Variants in NKAIN4 observed in about 807,000 individuals in gnomAD.
NKAIN4 encodes the protein sodium/potassium transporting ATPase interacting 4, also known as sodium/potassium-transporting ATPase subunit beta-1-interacting protein 4.
A neutral mutation model predicts 28.8 loss-of-function variants in NKAIN4; 28 were observed. The observed-to-expected ratio is 0.97, with a 90% CI of 0.72 to 1.33. The LOEUF is 1.33. Ranked by LOEUF, NKAIN4 falls within the 40% of genes most tolerant of loss-of-function variation. The probability of loss-of-function intolerance (pLI) is 0.00; values close to 1 mark genes in which losing one functional copy is unlikely to be tolerated. For missense variants in NKAIN4, 289 were observed against 277.2 expected (o/e 1.04, Z -0.30); for synonymous variants, 122 against 115.6 (o/e 1.06, Z -0.36).
At position 63,245,476 on chromosome 20, in the gene NKAIN4, C is replaced by G. The variant is rs2066839145; in HGVS notation, c.472-1392G>C. 6.6e-6 allele frequency among the ~76,000 whole-genome samples: 1 copy of G among 152,070 alleles called. No homozygotes were observed. Among genetic ancestry groups the G allele is most frequent in the Non-Finnish European group, 1.5e-5 (1 of 67,992 alleles). ...GGGGACCTGCAGGCCACCTCTGTCC[C>G]ACACCCCCATGCTCCCCGCCCTGCA... On this transcript the variant is annotated intron_variant, in intron 4 of 6. Transcript: ENST00000370316. This position sits in a 1 kb window ranked among gnomAD's most constrained non-coding sequence, Gnocchi z 4.7.
At chr20:63,247,221 G>C (rs569398531) in intron 4 of NKAIN4, 104 of 1,201,760 alleles carry the variant, frequency 8.7e-5, no homozygotes, top group Admixed American at 1.1e-4. Flanking sequence ...CGCATGGATG[G>C]GTTTGTCAGG....
chr20:63,243,686 C>T (rs1209416475), intron 5 of NKAIN4, among the ~76,000 whole-genome samples: 1 of 152,200 alleles, frequency 6.6e-6, no homozygotes, highest in Admixed American at 6.5e-5. Flanking sequence ...TCCGATCTGC[C>T]TGGAGGCTGC....
At chr20:63,241,945 C>A (rs981925641) in intron 6 of NKAIN4, among the ~76,000 whole-genome samples, 2 of 152,086 alleles carry the variant, frequency 1.3e-5, no homozygotes, top group Non-Finnish European at 2.9e-5. Flanking sequence ...TACCCAGGGG[C>A]GTGCCATCAG....
chr20:63,242,489 G>T, intron 6 of NKAIN4, 50 bp downstream of exon 6: 1 of 1,345,618 alleles, frequency 7.4e-7, no homozygotes, highest in South Asian at 1.2e-5. Flanking sequence ...CGCTGTGAGG[G>T]CCAGATTGGC....
rs2066987247 is a variant in NKAIN4 at position 63,252,991 on chromosome 20, G to A, written c.54+1406C>T. Among the ~76,000 whole-genome samples, 1 of 152,102 alleles carries A rather than the reference G, an allele frequency of 6.6e-6. No individual in the cohort carries two copies. Among genetic ancestry groups the A allele is most frequent in the African/African-American group, 2.4e-5 (1 of 41,410 alleles). ...CCACCTTCAACAGATGGAAACCAAT[G>A]TCACTAGTGTCCCCCAAAGCAGCCT... is the stretch of plus-strand genomic sequence containing the variant. On this transcript the variant is annotated intron_variant, in intron 1 of 6. Coordinates refer to ENST00000370316, the MANE Select transcript of NKAIN4 (RefSeq NM_152864.4). The surrounding 1 kb of genome is among the most constrained non-coding windows in gnomAD (Gnocchi z 4.6).
intron 5 of NKAIN4, 96 bp downstream of exon 5, chr20:63,243,928 G>T: frequency 2.0e-6 from 2 of 1,017,086 alleles, no homozygotes; most frequent in Admixed American, 2.1e-5. Flanking sequence ...CTTCCAAGTG[G>T]GGAGGTCTCT....
At chr20:63,244,850 C>A (rs549776160) in intron 4 of NKAIN4, among the ~76,000 whole-genome samples, 1 of 152,322 alleles carries the variant, frequency 6.6e-6, no homozygotes, top group South Asian at 2.1e-4. Context: ...GCCACAGACA[C>A]CGAGGGAGGC....
At chr20:63,244,458 C>T (rs1484267764) in intron 4 of NKAIN4, 7 of 483,716 alleles carry the variant, frequency 1.4e-5, no homozygotes, top group African/African-American at 3.9e-5. Context: ...TGCGTCCCCT[C>T]GGGCCTCTTG....
chr20:63,242,603 C>T lies in NKAIN4; in HGVS notation c.553G>A (p.Asp185Asn). Reference sequence around the variant, plus strand: ...TTGACATGGTAGAGAGGAAATGGATCAAATCCACCAATGAAATCAACTGAA... The same window carrying T: ...TTGACATGGTAGAGAGGAAATGGATTAAATCCACCAATGAAATCAACTGAA... ...EDSFDFIGGF[D>N]PFPLYHVNEK... The change falls in exon 6 of 7, where the codon GAT (aspartate) becomes AAT (asparagine). Residue 185 changes from aspartate to asparagine, a missense_variant. By Grantham distance (23) the Asp-to-Asn change is conservative. Coordinates refer to ENST00000370316, the MANE Select transcript of NKAIN4 (RefSeq NM_152864.4). The T allele has an allele frequency of 6.2e-7, 1 of 1,612,664 alleles. No individual in the cohort carries two copies. The highest frequency in any genetic ancestry group is 8.5e-7 in the Non-Finnish European group (1 of 1,178,940).
In NKAIN4 at chr20:63,242,668, A is replaced by G. The variant is rs745529880; in HGVS notation, c.533-45T>C. ...AAATAAAACAAAACCTACACAATGG[A>G]AAAGATGTCAGAGTGGAAAACAAGC... On this transcript the variant is annotated intron_variant, in intron 5 of 6. Coordinates refer to ENST00000370316, the MANE Select transcript of NKAIN4 (RefSeq NM_152864.4). 14 of 1,474,778 alleles carry G rather than the reference A, an allele frequency of 9.5e-6. No individual in the cohort carries two copies. The Admixed American group carries it at 2.2e-4, about 23-fold the overall frequency. 91.4% of individuals were successfully genotyped at this position (1,474,778 alleles called of 1,614,324 possible).
chr20:63,249,583 C>T (rs2066920550), intron 2 of NKAIN4, among the ~76,000 whole-genome samples: 1 of 152,188 alleles, frequency 6.6e-6, no homozygotes, highest in East Asian at 1.9e-4. Context: ...GTCCAGGTCC[C>T]ACCCTGGGCT....
chr20:63,243,679 G>T (rs888803561), intron 5 of NKAIN4, among the ~76,000 whole-genome samples: 1 of 152,184 alleles, frequency 6.6e-6, no homozygotes, highest in African/African-American at 2.4e-5. Context: ...GCCCGGTTCC[G>T]ATCTGCCTGG....
chr20:63,247,456 G>A, intron 4 of NKAIN4, 122 bp downstream of exon 4: 5 of 1,546,262 alleles, frequency 3.2e-6, no homozygotes, highest in Non-Finnish European at 4.4e-6. Flanking sequence ...GGGGGATGAG[G>A]AAGGCAGAGA....
chr20:63,243,752 G>A (rs2066804736), intron 5 of NKAIN4: 1 of 357,604 alleles, frequency 2.8e-6, no homozygotes. Context: ...GCCACTGCGG[G>A]GATCATGAGG....
intron 3 of NKAIN4, chr20:63,248,005 T>C: frequency 2.1e-6 from 1 of 467,884 alleles, no homozygotes; most frequent in Non-Finnish European, 3.5e-6. Context: ...CACCTCCTCC[T>C]CCAGGAAGGC....
intron 4 of NKAIN4, 26 bp from the exon 5 acceptor site, chr20:63,244,110 TGAGTGCGGCCAGGC>T: frequency 6.2e-7 from 1 of 1,604,708 alleles, no homozygotes; most frequent in Non-Finnish European, 8.5e-7. Context: ...GGCAGGGGCG[TGAGTGCGGCCAGGC>T]GAGCCTGTGG....
rs1843818899 is a variant in NKAIN4 at position 63,252,452 on chromosome 20, TCA to T, written c.54+1943_54+1944del. 1.3e-5 allele frequency among the ~76,000 whole-genome samples: 2 copies of T among 151,218 alleles called. No homozygotes were observed. Among genetic ancestry groups the T allele is most frequent in the Admixed American group, 6.6e-5 (1 of 15,210 alleles). ...CCTGTAGCTTGGTAACACAAAATTC[TCA>T]CACTTGTCAAAAAAAAAAAGGGGCT... On this transcript the variant is annotated intron_variant, in intron 1 of 6. Coordinates refer to ENST00000370316, the MANE Select transcript of NKAIN4 (RefSeq NM_152864.4). This position sits in a 1 kb window ranked among gnomAD's most constrained non-coding sequence, Gnocchi z 4.6.
intron 4 of NKAIN4, chr20:63,246,726 A>C (rs2066864951): frequency 2.0e-6 from 2 of 985,460 alleles, no homozygotes; most frequent in African/African-American, 1.7e-5. Context: ...GCCGTGCTGC[A>C]GTCACATTGG....
At position 63,245,100 on chromosome 20, in the gene NKAIN4, A is replaced by G. The variant is rs1307122251; in HGVS notation, c.472-1016T>C. Reference sequence around the variant, plus strand: ...GACATGCTTGGGCTCCGTCCCCCCGACCCCCGACCCCATCTGGTACAGGCA... The same window carrying G: ...GACATGCTTGGGCTCCGTCCCCCCGGCCCCCGACCCCATCTGGTACAGGCA... On this transcript the variant is annotated intron_variant, in intron 4 of 6. Coordinates refer to ENST00000370316, the MANE Select transcript of NKAIN4 (RefSeq NM_152864.4). This position sits in a 1 kb window ranked among gnomAD's most constrained non-coding sequence, Gnocchi z 4.7. Among the ~76,000 whole-genome samples, 2 of 151,560 alleles carry G rather than the reference A, an allele frequency of 1.3e-5. No homozygotes were observed. Among genetic ancestry groups the G allele is most frequent in the Admixed American group, 6.6e-5 (1 of 15,230 alleles).
Sources: allele counts gnomAD v4.1 joint callset (sites outside exome capture counted in the v4.1 genomes callset), GRCh38; gene constraint gnomAD v4.1.1; non-coding constraint Gnocchi (gnomAD v3.1); transcripts MANE v1.5; gene names NCBI Gene and HGNC (gene_info 2026-07-23, HGNC 2026-07-21).